SORBS2: variants seen among roughly 807,000 people sequenced by gnomAD.
SORBS2 encodes the protein sorbin and SH3 domain containing 2.
SORBS2 carries 46 observed loss-of-function variants against 97.7 expected under a neutral mutation model. That is an observed-to-expected ratio of 0.47 (90% CI 0.37 to 0.60). The LOEUF (loss-of-function observed/expected upper bound fraction) is 0.60. SORBS2 is among the 20% of genes least tolerant of loss of function. The pLI is 0.00. For synonymous variants in SORBS2, 476 were observed against 473.4 expected (o/e 1.01, Z -0.07); for missense variants, 1,316 against 1,282.3 (o/e 1.03, Z -0.40).
At chr4:185,878,477 G>C (rs554111386) in intron 1 of SORBS2, among the ~76,000 whole-genome samples, 1 of 152,220 alleles carries the variant, frequency 6.6e-6, no homozygotes, top group South Asian at 2.1e-4. Context: ...TATTGAGTCA[G>C]AAGCCCAGGA....
intron 1 of SORBS2, among the ~76,000 whole-genome samples, chr4:185,782,211 A>G (rs2099034679): frequency 6.6e-6 from 1 of 152,244 alleles, no homozygotes; most frequent in African/African-American, 2.4e-5. Flanking sequence ...AACATTATGT[A>G]TTCTAATTAA....
intron 1 of SORBS2, among the ~76,000 whole-genome samples, chr4:185,903,895 T>C (rs1342670647): frequency 1.3e-5 from 2 of 152,232 alleles, no homozygotes; most frequent in African/African-American, 2.4e-5. Flanking sequence ...ATAATTACTG[T>C]GGCATTCTGT....
intron 4 of SORBS2, among the ~76,000 whole-genome samples, chr4:185,635,922 C>G (rs73030009): frequency 6.6e-6 from 1 of 151,916 alleles, no homozygotes; most frequent in South Asian, 2.1e-4. Context: ...GTAGTGACAC[C>G]GTCTCAGCTC....
intron 9 of SORBS2, among the ~76,000 whole-genome samples, chr4:185,615,381 A>G (rs192490383): frequency 1.3e-5 from 2 of 152,356 alleles, no homozygotes; most frequent in Admixed American, 6.5e-5. Flanking sequence ...AAGTATAAAC[A>G]TTCCATTGGA....
At chr4:185,938,875 A>C (rs1301741210) in intron 1 of SORBS2, among the ~76,000 whole-genome samples, 1 of 152,126 alleles carries the variant, frequency 6.6e-6, no homozygotes, top group South Asian at 2.1e-4. Context: ...TCAACCCTCT[A>C]ACTACATTAT....
chr4:185,724,413 A>G (rs12641084), intron 2 of SORBS2, among the ~76,000 whole-genome samples: 1 of 152,028 alleles, frequency 6.6e-6, no homozygotes, highest in African/African-American at 2.4e-5. Flanking sequence ...AGTATTTTCT[A>G]GAGTGCTGTG....
chr4:185,693,070 C>T (rs2098123363), intron 2 of SORBS2, among the ~76,000 whole-genome samples: 2 of 152,044 alleles, frequency 1.3e-5, no homozygotes, highest in African/African-American at 4.8e-5. Context: ...AGGGCAGGAG[C>T]CATGCTTAGC....
intron 4 of SORBS2, among the ~76,000 whole-genome samples, chr4:185,675,821 T>G (rs75116283): frequency 5.9e-4 from 90 of 152,300 alleles, no homozygotes; most frequent in African/African-American, 2.1e-3. Flanking sequence ...ATTTTGCACA[T>G]CTTGATTGGC....
exon 15 of SORBS2, chr4:185,586,151 C>G (rs952751837): frequency 6.6e-6 from 1 of 152,530 alleles, no homozygotes; most frequent in Admixed American, 6.5e-5. Flanking sequence ...ATCAATATCA[C>G]TGTCCATGAA....
At chr4:185,911,808 T>C (rs1322968267) in intron 1 of SORBS2, among the ~76,000 whole-genome samples, 2 of 152,162 alleles carry the variant, frequency 1.3e-5, no homozygotes, top group African/African-American at 4.8e-5. Flanking sequence ...ATAGAAGACC[T>C]GGCTGGGTTC....
At chr4:185,652,604 C>T (rs2097333132) in intron 2 of SORBS2, 58 bp downstream of exon 10, 18 of 1,325,240 alleles carry the variant, frequency 1.4e-5, no homozygotes, top group South Asian at 2.4e-5. Flanking sequence ...ATGCAAAAGA[C>T]GAATGTAGTC....
intron 2 of SORBS2, among the ~76,000 whole-genome samples, chr4:185,690,118 A>G (rs2098064617): frequency 6.6e-6 from 1 of 152,228 alleles, no homozygotes; most frequent in Admixed American, 6.5e-5. Flanking sequence ...TTGTGACTAT[A>G]GGTTAATTAA....
chr4:185,939,968 T>C (rs1411711042), intron 1 of SORBS2, among the ~76,000 whole-genome samples: 1 of 152,226 alleles, frequency 6.6e-6, no homozygotes. Flanking sequence ...TTACTTGACC[T>C]CTTGGTAGCA....
intron 2 of SORBS2, among the ~76,000 whole-genome samples, chr4:185,751,190 A>AAGAAAAAAAAAAAAAAAAAAAAAAAAG (rs2098798091): frequency 1.2e-5 from 1 of 86,426 alleles, no homozygotes; most frequent in African/African-American, 4.1e-5. Context: ...AAAAAAAAAA[A>AAGAAAAAAAAAAAAAAAAAAAAAAAAG]AGAGAAAGAG....
chr4:185,640,996 C>T (rs1228313497), intron 4 of SORBS2, among the ~76,000 whole-genome samples: 5 of 152,092 alleles, frequency 3.3e-5, no homozygotes, highest in Admixed American at 6.5e-5. Context: ...GTTTAAGAAA[C>T]ATTATGAACA....
At chr4:185,763,434 C>A (rs900714339) in intron 2 of SORBS2, among the ~76,000 whole-genome samples, 4 of 152,120 alleles carry the variant, frequency 2.6e-5, no homozygotes, top group Admixed American at 2.0e-4. Context: ...AAGCCCCCGA[C>A]CCCCCACCTC....
At chr4:185,827,192 TCA>T (rs2153672221) in intron 1 of SORBS2, among the ~76,000 whole-genome samples, 1 of 48,912 alleles carries the variant, frequency 2.0e-5, no homozygotes, top group East Asian at 3.7e-4. Flanking sequence ...ATCACCATCA[TCA>T]TCATCATCAC....
At chr4:185,686,041 A>G (rs2097951542) in intron 2 of SORBS2, among the ~76,000 whole-genome samples, 1 of 152,190 alleles carries the variant, frequency 6.6e-6, no homozygotes, top group South Asian at 2.1e-4. Context: ...GTAATATGGC[A>G]TGGCAATAAA....
intron 1 of SORBS2, among the ~76,000 whole-genome samples, chr4:185,838,217 C>T (rs1455356688): frequency 6.6e-6 from 1 of 152,262 alleles, no homozygotes; most frequent in African/African-American, 2.4e-5. Flanking sequence ...CAGGCCTTAG[C>T]TTCCTGCCCA....
Sources: gnomAD v4.1 joint callset for allele counts (sites outside exome capture counted in the v4.1 genomes callset) on GRCh38, gnomAD v4.1.1 for gene constraint, MANE v1.5 for transcripts, NCBI Gene and HGNC (gene_info 2026-07-23, HGNC 2026-07-21) for gene names.